The following UBE2D4 variants were observed in gnomAD, a reference collection of about 807,000 sequenced individuals.
UBE2D4 encodes the protein ubiquitin conjugating enzyme E2 D4, also known as ubiquitin-conjugating enzyme E2 D4.
In UBE2D4, 17 loss-of-function variants were observed where a neutral mutation model predicts 23.0. That is an observed-to-expected ratio of 0.74 (90% CI 0.51 to 1.11). The LOEUF (loss-of-function observed/expected upper bound fraction) is 1.11, where lower values mean the gene tolerates loss of function less well. Ranked by LOEUF, UBE2D4 falls within the 50% of genes least tolerant of loss-of-function variation. The pLI is 0.00. For synonymous variants in UBE2D4, 61 were observed against 69.4 expected (o/e 0.88, Z 0.60); for missense variants, 139 against 181.8 (o/e 0.76, Z 1.35).
chr7:43,951,599 C>T (rs576725453), intron 6 of UBE2D4, among the ~76,000 whole-genome samples: 17 of 152,020 alleles, frequency 1.1e-4, no homozygotes, highest in Non-Finnish European at 2.5e-4. Flanking sequence ...GGTGTGATCA[C>T]AGCTTACTGC....
chr7:43,948,233 T>C lies in UBE2D4; in HGVS notation c.199-399T>C, dbSNP rs145891101. On this transcript the variant is annotated intron_variant, in intron 4 of 6. Coordinates refer to ENST00000222402, the MANE Select transcript of UBE2D4 (RefSeq NM_015983.4). ...TTGTCTATTTTGGCTTTCGTTGCCA[T>C]TGCTTTTGGTGTTTTAGTCATGAAG... is the stretch of plus-strand genomic sequence containing the variant. Among the ~76,000 whole-genome samples, 389 of 152,336 alleles carry C rather than the reference T, an allele frequency of 2.6e-3. 1 individual carries two copies. Among genetic ancestry groups the C allele is most frequent in the Non-Finnish European group, 4.4e-3 (298 of 68,026 alleles).
chr7:43,951,756 C>A (rs188709706), intron 6 of UBE2D4, among the ~76,000 whole-genome samples: 5 of 152,112 alleles, frequency 3.3e-5, no homozygotes, highest in African/African-American at 4.8e-5. Context: ...CTCCTGGACT[C>A]GAGCAATCTG....
At chr7:43,927,136 A>G (rs1217491133) in intron 1 of UBE2D4, among the ~76,000 whole-genome samples, 2 of 152,212 alleles carry the variant, frequency 1.3e-5, no homozygotes, top group African/African-American at 4.8e-5. Context: ...GCACAACAGT[A>G]GAAGAAAGAA....
Position 43,953,462 on chromosome 7 carries a change from A to G in UBE2D4, c.*767A>G, listed in dbSNP as rs2096007425. The G allele has an allele frequency of 6.1e-6, 2 of 327,692 alleles. No individual in the cohort carries two copies. Among genetic ancestry groups the G allele is most frequent in the Non-Finnish European group, 6.0e-6 (1 of 167,912 alleles). 20.3% of individuals were successfully genotyped at this position (327,692 alleles called of 1,614,324 possible). On this transcript the variant is annotated 3_prime_UTR_variant, in exon 7 of 7. Transcript: ENST00000222402. ...TCTCACTACCGCCCGCTCCTCCCAT[A>G]GGAGCCTACACTAAGTCCAAGTGTG...
rs193280664 is a variant in UBE2D4, at chr7:43,953,021, C to G, written c.*326C>G. ...CCAGGCCCTGCACGTCTCTCCTACC[C>G]GGCCTCAAATGGTGCTGCTGCCCAT... On this transcript the variant is annotated 3_prime_UTR_variant, in exon 7 of 7. Coordinates refer to ENST00000222402, the MANE Select transcript of UBE2D4 (RefSeq NM_015983.4). 2.4e-6 allele frequency: 1 copy of G among 409,914 alleles called. No individual in the cohort carries two copies. The highest frequency in any genetic ancestry group is 2.0e-5 in the African/African-American group (1 of 49,040). The allele number at this position is 409,914 out of a possible 1,614,324, so 25.4% of individuals were successfully genotyped here.
intron 1 of UBE2D4, among the ~76,000 whole-genome samples, chr7:43,932,252 G>C (rs530827488): frequency 2.0e-5 from 3 of 151,836 alleles, no homozygotes; most frequent in Non-Finnish European, 4.4e-5. Context: ...GCCTCCCAAA[G>C]TGCTGGGATT....
intron 2 of UBE2D4, chr7:43,941,558 G>A (rs2095972537): frequency 6.6e-6 from 1 of 152,290 alleles, no homozygotes; most frequent in Non-Finnish European, 1.5e-5. Flanking sequence ...CCCAGGGGTT[G>A]GGCAGGAGAG....
chr7:43,950,480 CTGT>C, intron 5 of UBE2D4, 116 bp from the exon 6 acceptor site: 1 of 734,532 alleles, frequency 1.4e-6, no homozygotes, highest in East Asian at 2.7e-5. Context: ...TTAGATTGGG[CTGT>C]TGAAGGGAAG....
chr7:43,926,443 C>G lies in UBE2D4; in HGVS notation c.-90C>G. ...CGCGCGCAAGCGCAGGCTGCGGCTC[C>G]CGGCGTGCAGCTTGGTGGCGGCTGA... On this transcript the variant is annotated 5_prime_UTR_variant, in exon 1 of 7. Coordinates refer to ENST00000222402, the MANE Select transcript of UBE2D4 (RefSeq NM_015983.4). 8.3e-7 allele frequency: 1 copy of G among 1,198,124 alleles called. No homozygotes were observed. Among genetic ancestry groups the G allele is most frequent in the Non-Finnish European group, 1.1e-6 (1 of 930,894 alleles). 74.2% of individuals were successfully genotyped at this position (1,198,124 alleles called of 1,614,324 possible). A position where few individuals can be genotyped will look rare whatever the true frequency, so the allele number is the denominator to read the frequency against.
At position 43,926,547 on chromosome 7, in the gene UBE2D4, G is replaced by T; in HGVS notation, c.15G>T (p.Arg5=). MALK[R]IQKELTDLQR... ...AGCGGGGTAGGATGGCGCTAAAGCG[G>T]ATCCAGAAGGTACGCACTTTCCCAC... is the stretch of plus-strand genomic sequence containing the variant. Residue 5 remains arginine, a synonymous_variant, in exon 1 of 7, where the codon CGG becomes CGT. Transcript: ENST00000222402. 2 of 1,569,900 alleles carry T rather than the reference G, an allele frequency of 1.3e-6. No homozygotes were observed. Among genetic ancestry groups the T allele is most frequent in the Non-Finnish European group, 1.7e-6 (2 of 1,161,616 alleles).
At chr7:43,930,325 G>A (rs2095942602) in intron 1 of UBE2D4, among the ~76,000 whole-genome samples, 1 of 152,222 alleles carries the variant, frequency 6.6e-6, no homozygotes, top group Admixed American at 6.5e-5. Context: ...AGCCAGGTGT[G>A]TGGTGTCTAC....
chr7:43,927,462 A>G (rs2095934887), intron 1 of UBE2D4, among the ~76,000 whole-genome samples: 1 of 151,940 alleles, frequency 6.6e-6, no homozygotes, highest in Non-Finnish European at 1.5e-5. Flanking sequence ...ACATGCCACC[A>G]TGCCAGCCAA....
At chr7:43,938,549 A>G (rs2095963717) in intron 2 of UBE2D4, 55 bp downstream of exon 2, 3 of 1,575,764 alleles carry the variant, frequency 1.9e-6, no homozygotes, top group Admixed American at 3.3e-5. Flanking sequence ...AGACCCCCCA[A>G]CTTAGGCCAG....
At chr7:43,939,321 T>C (rs1585867003) in intron 2 of UBE2D4, among the ~76,000 whole-genome samples, 1 of 152,262 alleles carries the variant, frequency 6.6e-6, no homozygotes, top group East Asian at 1.9e-4. Context: ...TCTGGGCAGC[T>C]TCTTGGGAGA....
At chr7:43,951,505 G>T (rs145946111) in intron 6 of UBE2D4, among the ~76,000 whole-genome samples, 1 of 152,200 alleles carries the variant, frequency 6.6e-6, no homozygotes, top group African/African-American at 2.4e-5. Flanking sequence ...CTTCTTTTCT[G>T]TCTGAAGAGA....
intron 1 of UBE2D4, among the ~76,000 whole-genome samples, chr7:43,927,605 T>C (rs1395256153): frequency 6.6e-6 from 1 of 152,176 alleles, no homozygotes; most frequent in African/African-American, 2.4e-5. Context: ...TGCCCAGTCC[T>C]ATAACTAATT....
chr7:43,931,399 G>A (rs182042236), intron 1 of UBE2D4, among the ~76,000 whole-genome samples: 3 of 151,976 alleles, frequency 2.0e-5, no homozygotes, highest in African/African-American at 4.8e-5. Context: ...AGCCGATATC[G>A]TGCCACTGCA....
rs372465281 is a variant in UBE2D4 at position 43,933,011 on chromosome 7, T to C, written c.25-5420T>C. Among the ~76,000 whole-genome samples, 524 of 116,286 alleles carry C rather than the reference T, an allele frequency of 4.5e-3. 21 individuals carry two copies. The highest frequency in any genetic ancestry group is 0.014 in the African/African-American group (438 of 31,706). 76.3% of individuals were successfully genotyped at this position (116,286 alleles called of 152,430 possible). ...ATATATATATATATATATATATATA[T>C]ATACACACACATATATATACACATA... On this transcript the variant is annotated intron_variant, in intron 1 of 6. Coordinates refer to ENST00000222402, the MANE Select transcript of UBE2D4 (RefSeq NM_015983.4).
At chr7:43,934,668 G>T (rs2095954563) in intron 1 of UBE2D4, among the ~76,000 whole-genome samples, 1 of 148,258 alleles carries the variant, frequency 6.7e-6, no homozygotes, top group Non-Finnish European at 1.5e-5. Context: ...AGAAGAAAAA[G>T]TACATTTTAT....
Sources: gnomAD v4.1 joint callset for allele counts (sites outside exome capture counted in the v4.1 genomes callset) on GRCh38, gnomAD v4.1.1 for gene constraint, MANE v1.5 for transcripts, NCBI Gene and HGNC (gene_info 2026-07-23, HGNC 2026-07-21) for gene names.